The following ASXL3 variants were observed in gnomAD, a reference collection of about 807,000 sequenced individuals.
The protein encoded by ASXL3 is ASXL transcriptional regulator 3.
A neutral mutation model predicts 170.6 loss-of-function variants in ASXL3; 34 were observed. The ratio of observed to expected loss-of-function variants is 0.20; its 90% CI spans 0.15 to 0.27. ASXL3 has a LOEUF of 0.27. ASXL3 is among the 10% of genes least tolerant of loss of function. The pLI, the probability that ASXL3 is intolerant of heterozygous loss-of-function variation, is 1.00. For missense variants in ASXL3, 2,592 were observed against 2,695.3 expected (o/e 0.96, Z 0.85); for synonymous variants, 1,002 against 989.1 (o/e 1.01, Z -0.24).
chr18:33,693,794 T>C (rs2066727327), intron 8 of ASXL3, among the ~76,000 whole-genome samples: 2 of 152,282 alleles, frequency 1.3e-5, no homozygotes, highest in African/African-American at 4.8e-5. Flanking sequence ...AAGTCAGAGA[T>C]TTACAAAGGC....
At position 33,680,150 on chromosome 18, in the gene ASXL3, CG is replaced by C. The variant is rs1034432065; in HGVS notation, c.716-3253del. Among the ~76,000 whole-genome samples, 4 of 151,894 alleles carry C rather than the reference CG, an allele frequency of 2.6e-5. No homozygotes were observed. The East Asian group carries it at 7.7e-4, about 29-fold the overall frequency. On this transcript the variant is annotated intron_variant, in intron 7 of 11. Coordinates refer to ENST00000269197, the MANE Select transcript of ASXL3 (RefSeq NM_030632.3). ...CAATTGAGTGGCATTTCAAAAATTTCGGTATCATTAAAAATTCAAATACTTT... is the reference window on the plus strand; with the variant it reads ...CAATTGAGTGGCATTTCAAAAATTTCGTATCATTAAAAATTCAAATACTTT...
chr18:33,743,168 A>C lies in ASXL3; in HGVS notation c.3320A>C (p.Lys1107Thr). The C allele has an allele frequency of 6.2e-7, 1 of 1,613,944 alleles. No individual in the cohort carries two copies. The highest frequency in any genetic ancestry group is 2.2e-5 in the East Asian group (1 of 44,880). ...CTGGCACACATCAAAGAGCAGACAA[A>C]GGCTAAGCTCTTTGCAAAGCATCAA... is the stretch of plus-strand genomic sequence containing the variant. ...RTLAHIKEQT[K>T]AKLFAKHQAR... Residue 1107 changes from lysine to threonine, a missense_variant, in exon 12 of 12, where the codon AAG becomes ACG. By Grantham distance (78) the Lys-to-Thr change is moderately conservative (BLOSUM62 -1). Around this residue, in one of 4 missense-constraint regions of ASXL3, gnomAD observed 2,246 missense variants for 2,219.6 expected, o/e 1.01. Transcript: ENST00000269197.
At chr18:33,624,343 A>T (rs1455786971) in intron 2 of ASXL3, among the ~76,000 whole-genome samples, 1 of 151,810 alleles carries the variant, frequency 6.6e-6, no homozygotes, top group Non-Finnish European at 1.5e-5. Context: ...AGCAAATTAT[A>T]CCTATTGATA....
chr18:33,729,905 A>G (rs1346553874), intron 8 of ASXL3, among the ~76,000 whole-genome samples: 1 of 152,056 alleles, frequency 6.6e-6, no homozygotes, highest in Non-Finnish European at 1.5e-5. Flanking sequence ...AGCGTTCCCA[A>G]CACCCTTCTG....
intron 2 of ASXL3, among the ~76,000 whole-genome samples, chr18:33,624,960 A>G (rs866470315): frequency 3.3e-5 from 5 of 152,298 alleles, no homozygotes; most frequent in African/African-American, 9.6e-5. Flanking sequence ...AATTATGAAC[A>G]GTAATCTGGT....
At chr18:33,618,681 C>G (rs2065465754) in intron 2 of ASXL3, among the ~76,000 whole-genome samples, 1 of 152,092 alleles carries the variant, frequency 6.6e-6, no homozygotes, top group African/African-American at 2.4e-5. Flanking sequence ...AATACCATTT[C>G]TGCCTTTGAG....
In ASXL3 at chr18:33,673,675, T is replaced by C. The variant is rs200080391; in HGVS notation, c.715+1809T>C. Among the ~76,000 whole-genome samples, 8 of 152,286 alleles carry C rather than the reference T, an allele frequency of 5.3e-5. No individual in the cohort carries two copies. In the East Asian group the frequency reaches 1.5e-3, roughly 29 times the overall value. ...ACCATGCCTGGCCCAGGATTTCTTG[T>C]ATTCTGATTTTTGTACCTTGAAGTC... On this transcript the variant is annotated intron_variant, in intron 7 of 11. Coordinates refer to ENST00000269197, the MANE Select transcript of ASXL3 (RefSeq NM_030632.3).
intron 5 of ASXL3, among the ~76,000 whole-genome samples, chr18:33,667,034 C>G (rs2066267363): frequency 6.6e-6 from 1 of 152,260 alleles, no homozygotes; most frequent in East Asian, 1.9e-4. Context: ...AGAGCCTGCA[C>G]TGAGGGGAAG....
chr18:33,654,111 GAAGTGACCCATTT>G (rs1490110511), intron 4 of ASXL3, among the ~76,000 whole-genome samples: 1 of 152,000 alleles, frequency 6.6e-6, no homozygotes, highest in Non-Finnish European at 1.5e-5. Context: ...TAAATGGGAT[GAAGTGACCCATTT>G]AAGCATACTT....
chr18:33,590,902 T>C (rs908101722), intron 1 of ASXL3, among the ~76,000 whole-genome samples: 1 of 152,196 alleles, frequency 6.6e-6, no homozygotes, highest in African/African-American at 2.4e-5. Context: ...CACTAAAATA[T>C]ACATTTCTTC....
rs1415802128 is a variant in ASXL3 at position 33,646,225 on chromosome 18, C to T, written c.247-20C>T. The T allele has an allele frequency of 6.3e-7, 1 of 1,592,406 alleles. No individual in the cohort carries two copies. The highest frequency in any genetic ancestry group is 8.6e-7 in the Non-Finnish European group (1 of 1,162,602). On this transcript the variant is annotated intron_variant, in intron 3 of 11. Coordinates refer to ENST00000269197, the MANE Select transcript of ASXL3 (RefSeq NM_030632.3). ...CTAATACATCTTCTCCATAAATCAT[C>T]ACTTTTCAAAATAATACAGAAAGAG...
intron 6 of ASXL3, among the ~76,000 whole-genome samples, chr18:33,671,240 A>G (rs1349675814): frequency 6.6e-6 from 1 of 152,188 alleles, no homozygotes; most frequent in Non-Finnish European, 1.5e-5. Context: ...TTCTCACCCC[A>G]GTGCAGCCCT....
chr18:33,589,601 C>T (rs2145096090), intron 1 of ASXL3, among the ~76,000 whole-genome samples: 1 of 152,212 alleles, frequency 6.6e-6, no homozygotes, highest in East Asian at 1.9e-4. Context: ...TTGTCTAGTA[C>T]ATTGATTACA....
At chr18:33,604,220 T>G (rs1219702947) in intron 1 of ASXL3, among the ~76,000 whole-genome samples, 6 of 152,118 alleles carry the variant, frequency 3.9e-5, no homozygotes, top group African/African-American at 1.4e-4. Flanking sequence ...ATTAACTCAA[T>G]TAACTATTCA....
intron 3 of ASXL3, among the ~76,000 whole-genome samples, 159 bp downstream of exon 3, chr18:33,645,161 A>G (rs1013542621): frequency 6.6e-6 from 1 of 152,076 alleles, no homozygotes; most frequent in Admixed American, 6.6e-5. Flanking sequence ...AGAATAAACA[A>G]TGACATTTTT....
At chr18:33,615,457 T>C (rs1238390791) in intron 2 of ASXL3, among the ~76,000 whole-genome samples, 3 of 152,090 alleles carry the variant, frequency 2.0e-5, no homozygotes, top group Non-Finnish European at 4.4e-5. Context: ...CCATAACAGA[T>C]ATGATAATAA....
intron 2 of ASXL3, among the ~76,000 whole-genome samples, chr18:33,637,459 C>T (rs1260551282): frequency 1.3e-5 from 2 of 152,024 alleles, no homozygotes; most frequent in Non-Finnish European, 2.9e-5. Flanking sequence ...ACACTTGGGA[C>T]AGATATCCCA....
At chr18:33,632,365 G>C (rs2065691589) in intron 2 of ASXL3, among the ~76,000 whole-genome samples, 1 of 151,950 alleles carries the variant, frequency 6.6e-6, no homozygotes, top group East Asian at 1.9e-4. Flanking sequence ...ACAATCACTT[G>C]TCACCATTTT....
intron 2 of ASXL3, among the ~76,000 whole-genome samples, chr18:33,642,693 ATATAT>A (rs2065863655): frequency 6.6e-6 from 1 of 151,976 alleles, no homozygotes. Flanking sequence ...TAATTTAATA[ATATAT>A]TCATGCTTAA....
Sources: allele counts gnomAD v4.1 joint callset (sites outside exome capture counted in the v4.1 genomes callset), GRCh38; gene constraint gnomAD v4.1.1; regional missense constraint gnomAD v4.1.1; transcripts MANE v1.5; gene names NCBI Gene and HGNC (gene_info 2026-07-23, HGNC 2026-07-21).